The following GPR39 variants were observed in gnomAD, a reference collection of about 807,000 sequenced individuals.
GPR39 encodes G protein-coupled receptor 39, also known as zinc sensing receptor.
A neutral mutation model predicts 18.4 loss-of-function variants in GPR39; 23 were observed. That is an observed-to-expected ratio of 1.25 (90% CI 0.90 to 1.77). The LOEUF (loss-of-function observed/expected upper bound fraction) is 1.77, where lower values mean the gene tolerates loss of function less well. Ranked by LOEUF, GPR39 falls within the 40% of genes most tolerant of loss-of-function variation. The probability of loss-of-function intolerance (pLI) is 0.00; values close to 1 mark genes in which losing one functional copy is unlikely to be tolerated. For missense variants in GPR39, 647 were observed against 602.4 expected, an observed-to-expected ratio of 1.07 and a Z score of -0.78; for synonymous variants, 280 against 257.9, an observed-to-expected ratio of 1.09 and a Z score of -0.82.
At chr2:132,443,636 A>T (rs1268430001) in intron 1 of GPR39, among the ~76,000 whole-genome samples, 1 of 152,252 alleles carries the variant, frequency 6.6e-6, no homozygotes, top group African/African-American at 2.4e-5. Context: ...TGATGAATTT[A>T]TCGGGATGTA....
chr2:132,515,473 C>T (rs1163208037), intron 1 of GPR39, among the ~76,000 whole-genome samples: 4 of 152,152 alleles, frequency 2.6e-5, no homozygotes, highest in Non-Finnish European at 4.4e-5. Flanking sequence ...CTGGTCCTCC[C>T]CAGACACCTG....
intron 1 of GPR39, among the ~76,000 whole-genome samples, chr2:132,529,423 G>T (rs1051720189): frequency 6.6e-6 from 1 of 152,262 alleles, no homozygotes; most frequent in South Asian, 2.1e-4. Flanking sequence ...TTCCACCTCT[G>T]GGGGCAGGGC....
chr2:132,461,689 G>A (rs1382016600), intron 1 of GPR39, among the ~76,000 whole-genome samples: 4 of 152,112 alleles, frequency 2.6e-5, no homozygotes, highest in Admixed American at 6.5e-5. Flanking sequence ...CAACTTTAAT[G>A]GCAGGAGAAT....
chr2:132,504,294 T>C (rs1679098193), intron 1 of GPR39, among the ~76,000 whole-genome samples: 1 of 152,182 alleles, frequency 6.6e-6, no homozygotes, highest in Non-Finnish European at 1.5e-5. Flanking sequence ...TGCCATGATA[T>C]CTAAATATAA....
At chr2:132,477,346 G>A (rs777282374) in intron 1 of GPR39, among the ~76,000 whole-genome samples, 1 of 152,082 alleles carries the variant, frequency 6.6e-6, no homozygotes, top group African/African-American at 2.4e-5. Context: ...GAGGACAGGG[G>A]TGGGAGACAG....
intron 1 of GPR39, among the ~76,000 whole-genome samples, chr2:132,559,389 G>C (rs534562909): frequency 6.6e-6 from 1 of 152,106 alleles, no homozygotes. Flanking sequence ...TTAAACAGGC[G>C]TGACTTTCCA....
intron 1 of GPR39, among the ~76,000 whole-genome samples, chr2:132,605,370 C>T (rs11680742): frequency 0.12 from 18,022 of 152,114 alleles, 1,259 homozygotes; most frequent in East Asian, 0.31. Flanking sequence ...TGTGTGGGAA[C>T]GAGGATGTGG....
intron 1 of GPR39, among the ~76,000 whole-genome samples, chr2:132,581,629 A>T (rs1277285250): frequency 1.3e-5 from 2 of 152,100 alleles, no homozygotes; most frequent in East Asian, 3.9e-4. Context: ...TTCCTGGGGA[A>T]ATGAGGTTTG....
intron 1 of GPR39, among the ~76,000 whole-genome samples, chr2:132,624,476 A>C (rs561774705): frequency 1.3e-4 from 20 of 152,236 alleles, no homozygotes; most frequent in South Asian, 6.2e-4. Context: ...TTTTTATTAA[A>C]GTTTACAACA....
At chr2:132,553,411 T>C (rs553430707) in intron 1 of GPR39, among the ~76,000 whole-genome samples, 3 of 151,034 alleles carry the variant, frequency 2.0e-5, no homozygotes, top group African/African-American at 7.3e-5. Context: ...CGTATATATA[T>C]GTACACACAC....
chr2:132,625,721 A>G (rs1424236326), intron 1 of GPR39, among the ~76,000 whole-genome samples: 1 of 152,042 alleles, frequency 6.6e-6, no homozygotes, highest in South Asian at 2.1e-4. Flanking sequence ...CTGATTCAGC[A>G]CTCTGTTTTC....
At chr2:132,444,181 T>G (rs1029617797) in intron 1 of GPR39, among the ~76,000 whole-genome samples, 4 of 152,198 alleles carry the variant, frequency 2.6e-5, no homozygotes, top group African/African-American at 9.7e-5. Context: ...TATGTGGCCT[T>G]CCATTTGTAT....
chr2:132,561,639 T>C (rs1183672564), intron 1 of GPR39, among the ~76,000 whole-genome samples: 1 of 151,160 alleles, frequency 6.6e-6, no homozygotes, highest in Non-Finnish European at 1.5e-5. Context: ...GCTTACATGA[T>C]GATGGAGGCT....
At chr2:132,420,515 T>C (rs2104752220) in intron 1 of GPR39, among the ~76,000 whole-genome samples, 1 of 152,364 alleles carries the variant, frequency 6.6e-6, no homozygotes, top group East Asian at 1.9e-4. Flanking sequence ...TTTAATATAG[T>C]AATTTAGTTG....
chr2:132,621,729 A>T (rs1681446609), intron 1 of GPR39, among the ~76,000 whole-genome samples: 1 of 152,174 alleles, frequency 6.6e-6, no homozygotes, highest in African/African-American at 2.4e-5. Flanking sequence ...GTGTCTTTGG[A>T]CAAGCCTGTT....
intron 1 of GPR39, among the ~76,000 whole-genome samples, chr2:132,480,444 GAA>G (rs1681212935): frequency 6.6e-6 from 1 of 152,164 alleles, no homozygotes; most frequent in Non-Finnish European, 1.5e-5. Flanking sequence ...ATAATAAAAA[GAA>G]TATAGATACA....
intron 1 of GPR39, among the ~76,000 whole-genome samples, chr2:132,466,657 T>G (rs1680932232): frequency 6.6e-6 from 1 of 152,104 alleles, no homozygotes; most frequent in Non-Finnish European, 1.5e-5. Flanking sequence ...ATAGGCAGAG[T>G]GAGCTGAGTG....
chr2:132,521,061 C>T (rs533686509), intron 1 of GPR39, among the ~76,000 whole-genome samples: 27 of 152,326 alleles, frequency 1.8e-4, no homozygotes, highest in African/African-American at 6.0e-4. Context: ...CCCTTTGCCT[C>T]ATTGTCTTAG....
chr2:132,606,297 T>C (rs904069412), intron 1 of GPR39: 1 of 152,210 alleles, frequency 6.6e-6, no homozygotes, highest in Admixed American at 6.5e-5. Context: ...TGAAATAGAA[T>C]CTTTTTAGAC....
Sources: gnomAD v4.1 joint callset for allele counts (sites outside exome capture counted in the v4.1 genomes callset) on GRCh38, gnomAD v4.1.1 for gene constraint, MANE v1.5 for transcripts, NCBI Gene and HGNC (gene_info 2026-07-23, HGNC 2026-07-21) for gene names.